Variants in ADK observed in about 807,000 individuals in gnomAD.
The protein encoded by ADK is adenosine kinase.
A neutral mutation model predicts 44.7 loss-of-function variants in ADK; 24 were observed. The observed-to-expected ratio is 0.54, with a 90% confidence interval of 0.39 to 0.76. The LOEUF is 0.76. Among genes scored for constraint, ADK ranks in the 30% least tolerant of loss-of-function variants. ADK has a pLI of 0.00. For synonymous variants in ADK, 128 were observed against 142.6 expected, an observed-to-expected ratio of 0.90 and a Z score of 0.73; for missense variants, 321 against 425.1, an observed-to-expected ratio of 0.76 and a Z score of 2.15.
intron 1 of ADK, among the ~76,000 whole-genome samples, chr10:74,191,491 AT>A (rs529457354): frequency 2.5e-4 from 38 of 152,216 alleles, no homozygotes; most frequent in African/African-American, 9.2e-4. Context: ...GGCTCAAGTG[AT>A]TGTCCTGCCT....
intron 6 of ADK, among the ~76,000 whole-genome samples, chr10:74,467,352 A>G (rs1420481347): frequency 6.6e-6 from 1 of 152,128 alleles, no homozygotes; most frequent in African/African-American, 2.4e-5. Flanking sequence ...ATAAACTGCC[A>G]TTTCTGGACA....
At chr10:74,161,928 G>C (rs1375411399) in intron 1 of ADK, among the ~76,000 whole-genome samples, 1 of 152,100 alleles carries the variant, frequency 6.6e-6, no homozygotes, top group Admixed American at 6.6e-5. Flanking sequence ...GCCCAGGCTG[G>C]TCTTGAACTC....
At chr10:74,664,339 A>G (rs1484318786) in intron 9 of ADK, among the ~76,000 whole-genome samples, 1 of 152,184 alleles carries the variant, frequency 6.6e-6, no homozygotes, top group Non-Finnish European at 1.5e-5. Context: ...AATGTAGTTT[A>G]TTGTATATGC....
intron 6 of ADK, among the ~76,000 whole-genome samples, chr10:74,418,348 T>C (rs1844444249): frequency 6.6e-6 from 1 of 152,142 alleles, no homozygotes; most frequent in African/African-American, 2.4e-5. Context: ...CATTGCACCC[T>C]GTATCATGTG....
chr10:74,626,375 C>T (rs1186211981), intron 9 of ADK, among the ~76,000 whole-genome samples: 1 of 151,552 alleles, frequency 6.6e-6, no homozygotes, highest in African/African-American at 2.4e-5. Flanking sequence ...TCTCAGCCCA[C>T]TGCAACCTCC....
At chr10:74,268,041 T>C (rs939460157) in intron 3 of ADK, among the ~76,000 whole-genome samples, 1 of 152,132 alleles carries the variant, frequency 6.6e-6, no homozygotes, top group African/African-American at 2.4e-5. Context: ...TGTTTTTCTT[T>C]GCCAGGTATG....
chr10:74,328,979 C>G (rs1202737279), intron 4 of ADK, among the ~76,000 whole-genome samples: 1 of 151,544 alleles, frequency 6.6e-6, no homozygotes, highest in Non-Finnish European at 1.5e-5. Flanking sequence ...ATGGGTGCAG[C>G]ACACCAGCAT....
At chr10:74,432,413 G>A (rs1845033265) in intron 6 of ADK, among the ~76,000 whole-genome samples, 1 of 152,034 alleles carries the variant, frequency 6.6e-6, no homozygotes. Context: ...GATCATCCTT[G>A]TATTGGCAAT....
At chr10:74,500,596 T>A (rs1847856449) in intron 6 of ADK, among the ~76,000 whole-genome samples, 1 of 152,256 alleles carries the variant, frequency 6.6e-6, no homozygotes. Context: ...AAATGTATTT[T>A]AGTCACTTTT....
chr10:74,639,134 C>A (rs1312153161), intron 9 of ADK, among the ~76,000 whole-genome samples: 1 of 152,072 alleles, frequency 6.6e-6, no homozygotes, highest in African/African-American at 2.4e-5. Context: ...AAGATTAATT[C>A]TATAGGTTGA....
intron 6 of ADK, among the ~76,000 whole-genome samples, chr10:74,441,995 A>G (rs77255190): frequency 2.0e-5 from 3 of 152,098 alleles, no homozygotes; most frequent in Admixed American, 6.6e-5. Context: ...AAAAGACCAC[A>G]GTGAAGCTGG....
chr10:74,170,539 C>T (rs536725695), intron 1 of ADK, among the ~76,000 whole-genome samples: 5 of 152,148 alleles, frequency 3.3e-5, no homozygotes, highest in African/African-American at 7.2e-5. Context: ...TGGCTCACGC[C>T]TGTAATCCTA....
At chr10:74,387,869 G>T (rs1216412437) in intron 4 of ADK, among the ~76,000 whole-genome samples, 1 of 151,862 alleles carries the variant, frequency 6.6e-6, no homozygotes, top group Non-Finnish European at 1.5e-5. Context: ...GTACTAAACT[G>T]CGTAGGTTGT....
At chr10:74,417,354 C>A (rs1844409090) in intron 6 of ADK, among the ~76,000 whole-genome samples, 1 of 151,972 alleles carries the variant, frequency 6.6e-6, no homozygotes, top group Non-Finnish European at 1.5e-5. Flanking sequence ...TATAGATATT[C>A]CCTAATTTCA....
intron 3 of ADK, among the ~76,000 whole-genome samples, chr10:74,312,375 C>G (rs1364835712): frequency 1.3e-5 from 2 of 149,984 alleles, no homozygotes; most frequent in African/African-American, 4.9e-5. Flanking sequence ...GTTTCTAAGT[C>G]AGTCCAGTGT....
At chr10:74,598,579 T>C (rs1274866473) in intron 8 of ADK, among the ~76,000 whole-genome samples, 2 of 150,588 alleles carry the variant, frequency 1.3e-5, no homozygotes, top group African/African-American at 4.9e-5. Context: ...CCCTCCCAAG[T>C]AGCTAGGACT....
chr10:74,680,728 A>T (rs2134231923), intron 10 of ADK, among the ~76,000 whole-genome samples: 1 of 152,346 alleles, frequency 6.6e-6, no homozygotes, highest in East Asian at 1.9e-4. Context: ...CTGATGTTTT[A>T]AGGCTACTTA....
At chr10:74,565,727 C>CAAAAAAA (rs398014155) in intron 7 of ADK, among the ~76,000 whole-genome samples, 1 of 63,376 alleles carries the variant, frequency 1.6e-5, no homozygotes, top group African/African-American at 5.5e-5. Context: ...AACTCCGTCT[C>CAAAAAAA]AAAAAAAAAA....
chr10:74,630,615 A>G (rs1388089947), intron 9 of ADK, among the ~76,000 whole-genome samples: 1 of 152,136 alleles, frequency 6.6e-6, no homozygotes, highest in Non-Finnish European at 1.5e-5. Context: ...ACGTGATACT[A>G]ATTAGCCTCG....
Sources: gnomAD v4.1 joint callset for allele counts (sites outside exome capture counted in the v4.1 genomes callset) on GRCh38, gnomAD v4.1.1 for gene constraint, MANE v1.5 for transcripts, NCBI Gene and HGNC (gene_info 2026-07-23, HGNC 2026-07-21) for gene names.